Variants in TRDN observed in about 807,000 individuals in gnomAD.
TRDN encodes triadin in skeletal muscle.
TRDN carries 161 observed loss-of-function variants against 149.7 expected under a neutral mutation model. That is an observed-to-expected ratio of 1.08 (90% CI 0.95 to 1.23). TRDN has a LOEUF of 1.23. Among genes scored for constraint, TRDN ranks in the 50% most tolerant of loss-of-function variants. The pLI is 0.00. For synonymous variants in TRDN, 294 were observed against 250.5 expected (o/e 1.17, Z -1.64); for missense variants, 896 against 823.5 (o/e 1.09, Z -1.08).
chr6:123,386,512 G>A (rs1781911813), intron 14 of TRDN, among the ~76,000 whole-genome samples: 1 of 152,156 alleles, frequency 6.6e-6, no homozygotes, highest in Admixed American at 6.5e-5. Flanking sequence ...TGCAGGTAAA[G>A]TTTTGAACCA....
At chr6:123,345,242 A>G (rs1338363415) in intron 21 of TRDN, among the ~76,000 whole-genome samples, 1 of 151,778 alleles carries the variant, frequency 6.6e-6, no homozygotes, top group Non-Finnish European at 1.5e-5. Flanking sequence ...ACTATTTTTG[A>G]GGGTTTTTTG....
chr6:123,494,274 T>G (rs2114804728), intron 9 of TRDN, among the ~76,000 whole-genome samples: 1 of 152,332 alleles, frequency 6.6e-6, no homozygotes, highest in South Asian at 2.1e-4. Flanking sequence ...AAGGGCTCTC[T>G]CTGTGCGGTC....
intron 5 of TRDN, among the ~76,000 whole-genome samples, chr6:123,528,368 T>C (rs1490296248): frequency 1.3e-5 from 2 of 151,746 alleles, no homozygotes; most frequent in Non-Finnish European, 2.9e-5. Context: ...TTTCAGAATA[T>C]CATATTGTCC....
chr6:123,283,422 A>G (rs1448705567), intron 24 of TRDN, among the ~76,000 whole-genome samples: 3 of 151,940 alleles, frequency 2.0e-5, no homozygotes, highest in African/African-American at 7.2e-5. Flanking sequence ...ACAAACAAGA[A>G]CAAACCAAAC....
intron 9 of TRDN, among the ~76,000 whole-genome samples, chr6:123,478,084 CA>C (rs36054866): frequency 0.34 from 47,488 of 140,900 alleles, 8,948 homozygotes; most frequent in East Asian, 0.65. Context: ...AAATGTTCAC[CA>C]AAAAAAAAAA....
At chr6:123,597,626 C>A (rs1318423554) in intron 1 of TRDN, among the ~76,000 whole-genome samples, 1 of 152,006 alleles carries the variant, frequency 6.6e-6, no homozygotes. Flanking sequence ...TTGCCACAGC[C>A]ACCCCAACCT....
intron 10 of TRDN, among the ~76,000 whole-genome samples, chr6:123,459,702 C>T (rs1009748145): frequency 1.2e-4 from 19 of 152,302 alleles, no homozygotes; most frequent in Admixed American, 3.9e-4. Context: ...TCATTATTAT[C>T]TCTCAAAACC....
At chr6:123,353,187 T>C (rs1780532407) in intron 20 of TRDN, among the ~76,000 whole-genome samples, 1 of 151,840 alleles carries the variant, frequency 6.6e-6, no homozygotes, top group African/African-American at 2.4e-5. Context: ...TCATTTGGAA[T>C]CAGTGCACTC....
At chr6:123,561,226 CCA>C (rs1159760429) in intron 2 of TRDN, among the ~76,000 whole-genome samples, 1 of 152,138 alleles carries the variant, frequency 6.6e-6, no homozygotes, top group African/African-American at 2.4e-5. Flanking sequence ...GCCAAATCAC[CCA>C]AGCAGTTTTT....
intron 38 of TRDN, among the ~76,000 whole-genome samples, chr6:123,245,165 C>T (rs1191291497): frequency 2.0e-5 from 3 of 152,114 alleles, no homozygotes; most frequent in African/African-American, 7.2e-5. Flanking sequence ...AGACTATCAA[C>T]ACCATGAAGA....
chr6:123,551,223 T>TATATA (rs1311778479), intron 2 of TRDN, among the ~76,000 whole-genome samples: 8 of 137,392 alleles, frequency 5.8e-5, no homozygotes, highest in South Asian at 2.2e-4. Flanking sequence ...TATATATATA[T>TATATA]TGCCTGGTTC....
intron 10 of TRDN, among the ~76,000 whole-genome samples, chr6:123,448,118 G>T (rs958550146): frequency 6.6e-6 from 1 of 152,186 alleles, no homozygotes; most frequent in Non-Finnish European, 1.5e-5. Context: ...GGCCATTCCT[G>T]CCTGGCACCA....
At chr6:123,561,212 A>G (rs1781976599) in intron 2 of TRDN, among the ~76,000 whole-genome samples, 2 of 152,082 alleles carry the variant, frequency 1.3e-5, no homozygotes, top group Admixed American at 1.3e-4. Context: ...ACTGGTCTTT[A>G]TTAGCCAAAT....
At chr6:123,478,348 A>G (rs1051829973) in intron 9 of TRDN, among the ~76,000 whole-genome samples, 4 of 152,184 alleles carry the variant, frequency 2.6e-5, no homozygotes, top group African/African-American at 9.6e-5. Context: ...GTACTTAAAG[A>G]CCAGTCTCCA....
At chr6:123,605,287 A>G (rs1784477280) in intron 1 of TRDN, among the ~76,000 whole-genome samples, 1 of 148,404 alleles carries the variant, frequency 6.7e-6, no homozygotes, top group Non-Finnish European at 1.5e-5. Context: ...TATATAATAC[A>G]TATAAACACA....
At chr6:123,569,189 G>C (rs1035942167) in intron 2 of TRDN, among the ~76,000 whole-genome samples, 4 of 152,146 alleles carry the variant, frequency 2.6e-5, no homozygotes, top group African/African-American at 9.7e-5. Context: ...TGAAAAGAAT[G>C]CAGCCAAGAT....
At chr6:123,332,006 C>T in intron 22 of TRDN, 77 bp from the exon 23 acceptor site, 2 of 1,125,810 alleles carry the variant, frequency 1.8e-6, no homozygotes, top group Non-Finnish European at 2.5e-6. Flanking sequence ...AGTCAGTAAG[C>T]TGAAAGTATC....
At chr6:123,534,143 T>G (rs1394074739) in intron 4 of TRDN, among the ~76,000 whole-genome samples, 2 of 152,092 alleles carry the variant, frequency 1.3e-5, no homozygotes, top group Non-Finnish European at 2.9e-5. Context: ...TCTCTAGAGC[T>G]CACAATAAAG....
At chr6:123,367,190 C>T (rs1197826303) in intron 19 of TRDN, among the ~76,000 whole-genome samples, 1 of 151,950 alleles carries the variant, frequency 6.6e-6, no homozygotes. Flanking sequence ...TTTCTCTAGT[C>T]CACAGGAAAA....
Sources: gnomAD v4.1 joint callset for allele counts (sites outside exome capture counted in the v4.1 genomes callset) on GRCh38, gnomAD v4.1.1 for gene constraint, MANE v1.5 for transcripts, NCBI Gene and HGNC (gene_info 2026-07-23, HGNC 2026-07-21) for gene names.